The following MED12L variants were observed in gnomAD, a reference collection of about 807,000 sequenced individuals.
MED12L encodes the protein mediator of RNA polymerase II transcription subunit 12-like protein.
Under a neutral mutation model 281.3 loss-of-function variants are expected in MED12L, and 60 were observed. The ratio of observed to expected loss-of-function variants is 0.21; its 90% confidence interval spans 0.17 to 0.26. The LOEUF is 0.26. Among genes scored for constraint, MED12L ranks in the 10% least tolerant of loss-of-function variants. The pLI is 1.00. For missense variants in MED12L, 2,146 were observed against 2,680.9 expected (o/e 0.80, Z 4.41); for synonymous variants, 974 against 987.2 (o/e 0.99, Z 0.25).
intron 3 of MED12L, among the ~76,000 whole-genome samples, chr3:151,121,614 T>C (rs1331873915): frequency 6.6e-6 from 1 of 152,238 alleles, no homozygotes; most frequent in Non-Finnish European, 1.5e-5. Context: ...ATTAACTGCA[T>C]CATTGTATTA....
At chr3:151,173,147 T>C (rs1721639463) in intron 11 of MED12L, among the ~76,000 whole-genome samples, 1 of 152,128 alleles carries the variant, frequency 6.6e-6, no homozygotes, top group Non-Finnish European at 1.5e-5. Flanking sequence ...TATGTCATCT[T>C]ATTTAGTTTT....
At chr3:151,148,602 C>A (rs1483387541) in intron 5 of MED12L, among the ~76,000 whole-genome samples, 8 of 152,062 alleles carry the variant, frequency 5.3e-5, no homozygotes, top group Non-Finnish European at 1.2e-4. Flanking sequence ...TGAATTTCTC[C>A]ATTGAGGAGT....
intron 16 of MED12L, among the ~76,000 whole-genome samples, chr3:151,268,015 GTCTTATGCGTTC>G (rs1388389288): frequency 2.0e-5 from 3 of 152,096 alleles, no homozygotes; most frequent in African/African-American, 7.2e-5. Flanking sequence ...GCTCTTTTTA[GTCTTATGCGTTC>G]TTAGTAAAGT....
chr3:151,215,124 T>TC (rs1204745115), intron 16 of MED12L, among the ~76,000 whole-genome samples: 8 of 151,994 alleles, frequency 5.3e-5, no homozygotes, highest in Admixed American at 2.0e-4. Flanking sequence ...TTTTTTTTTT[T>TC]CCCATTGAAA....
In MED12L at chr3:151,365,077, A is replaced by G. The variant is rs1368635853; in HGVS notation, c.3056A>G (p.Glu1019Gly). ...CCAGACTTCATGATGGATTTTATTG[A>G]GAATCCCTCAGCCCGCAGCATCAAC... ...WDPDFMMDFIENPSARSINYS... is the reference protein window; with the variant it reads ...WDPDFMMDFIGNPSARSINYS... Residue 1019 changes from glutamate (E) to glycine (G), a missense_variant, in exon 22 of 45, where the codon GAG becomes GGG. Physicochemically the swap from Glu to Gly is moderately conservative, Grantham distance 98. Transcript: ENST00000687756. The G allele has an allele frequency of 1.2e-6, 2 of 1,613,984 alleles. No individual in the cohort carries two copies. The highest frequency in any genetic ancestry group is 3.3e-5 in the Admixed American group (2 of 59,990).
At chr3:151,172,590 A>G (rs1405748458) in intron 11 of MED12L, among the ~76,000 whole-genome samples, 1 of 152,214 alleles carries the variant, frequency 6.6e-6, no homozygotes, top group African/African-American at 2.4e-5. Context: ...GTTGGATGGC[A>G]TTGATCCACT....
chr3:151,266,198 C>T (rs1004189372), intron 16 of MED12L, among the ~76,000 whole-genome samples: 6 of 152,164 alleles, frequency 3.9e-5, no homozygotes, highest in Admixed American at 2.6e-4. Flanking sequence ...GAGGAAGGCT[C>T]ATCTGATTTC....
At chr3:151,287,492 A>T (rs1577236369) in intron 16 of MED12L, among the ~76,000 whole-genome samples, 1 of 152,122 alleles carries the variant, frequency 6.6e-6, no homozygotes, top group Non-Finnish European at 1.5e-5. Context: ...GCCTGGGTAT[A>T]TGATGGTATT....
chr3:151,430,641 C>A (rs891462174), intron 44 of MED12L, among the ~76,000 whole-genome samples: 1 of 146,326 alleles, frequency 6.8e-6, no homozygotes, highest in Non-Finnish European at 1.5e-5. Context: ...AGAAATATTT[C>A]TTCTCATTGG....
At chr3:151,288,330 A>C (rs1372823634) in intron 16 of MED12L, among the ~76,000 whole-genome samples, 1 of 152,204 alleles carries the variant, frequency 6.6e-6, no homozygotes, top group Non-Finnish European at 1.5e-5. Flanking sequence ...CTATAATTTA[A>C]GTCTATTTTA....
rs1322069602 is a variant in MED12L, at chr3:151,195,719, G to A, written c.2250+2053G>A. ...GGTAAAAAAGGGAGACAATATTAACGTCCGGAGTTTATTTAATAGTAATAT... is the reference window on the plus strand; with the variant it reads ...GGTAAAAAAGGGAGACAATATTAACATCCGGAGTTTATTTAATAGTAATAT... On this transcript the variant is annotated intron_variant, in intron 16 of 44. Transcript: ENST00000687756. Among the ~76,000 whole-genome samples, 5 of 152,112 alleles carry A rather than the reference G, an allele frequency of 3.3e-5. No individual in the cohort carries two copies. In the East Asian group the frequency reaches 5.8e-4, roughly 18 times the overall value.
intron 16 of MED12L, among the ~76,000 whole-genome samples, chr3:151,296,133 A>G (rs1019152624): frequency 6.6e-6 from 1 of 152,232 alleles, no homozygotes; most frequent in Non-Finnish European, 1.5e-5. Context: ...TGTTAAAAGT[A>G]ATTGCAACCT....
chr3:151,187,624 T>C (rs1376980354), intron 12 of MED12L, among the ~76,000 whole-genome samples: 1 of 152,200 alleles, frequency 6.6e-6, no homozygotes, highest in Non-Finnish European at 1.5e-5. Flanking sequence ...GTTCTGGTCC[T>C]GTGTAAGTTC....
chr3:151,179,620 A>G (rs1722478011), intron 11 of MED12L, among the ~76,000 whole-genome samples: 1 of 152,204 alleles, frequency 6.6e-6, no homozygotes, highest in African/African-American at 2.4e-5. Flanking sequence ...GAAGGAAAGC[A>G]TGGTGAGAGA....
chr3:151,086,281 C>T (rs1366790459), intron 1 of MED12L: 1 of 152,260 alleles, frequency 6.6e-6, no homozygotes. Flanking sequence ...CGTCTCGCGC[C>T]CCCTCCAGAC....
At chr3:151,377,452 A>G (rs776324671) in intron 30 of MED12L, among the ~76,000 whole-genome samples, 1 of 152,206 alleles carries the variant, frequency 6.6e-6, no homozygotes, top group Non-Finnish European at 1.5e-5. Context: ...GTTACGTAGT[A>G]TTCATTATAT....
In MED12L at chr3:151,270,171, T is replaced by C. The variant is rs1000091648; in HGVS notation, c.2250+76505T>C. ...TAGGTTCCAACCTTTTTAAAAATTT[T>C]CTCCAGTTCCTGGGAGCAAGCTGTC... On this transcript the variant is annotated intron_variant, in intron 16 of 44. Transcript: ENST00000687756. 2.1e-5 allele frequency: 4 copies of C among 188,918 alleles called. No homozygotes were observed. The East Asian group carries it at 5.0e-4, about 24-fold the overall frequency. The allele number at this position is 188,918 out of a possible 1,614,324, so 11.7% of individuals were successfully genotyped here.
At chr3:151,139,764 G>A (rs926019978) in intron 5 of MED12L, among the ~76,000 whole-genome samples, 6 of 152,244 alleles carry the variant, frequency 3.9e-5, no homozygotes, top group Non-Finnish European at 8.8e-5. Flanking sequence ...TAGAGGTAGA[G>A]GTAAATACAA....
chr3:151,124,377 A>C (rs1714196175), intron 4 of MED12L, among the ~76,000 whole-genome samples: 1 of 152,140 alleles, frequency 6.6e-6, no homozygotes, highest in Non-Finnish European at 1.5e-5. Flanking sequence ...CCCTGATGTT[A>C]ATTCTTTGCA....
Sources: gnomAD v4.1 joint callset for allele counts (sites outside exome capture counted in the v4.1 genomes callset) on GRCh38, gnomAD v4.1.1 for gene constraint, MANE v1.5 for transcripts, NCBI Gene and HGNC (gene_info 2026-07-23, HGNC 2026-07-21) for gene names.